SMAD2: variants seen among roughly 807,000 people sequenced by gnomAD.
SMAD2 encodes SMAD family member 2.
SMAD2 carries 8 observed loss-of-function variants against 64.4 expected under a neutral mutation model. The observed-to-expected ratio is 0.12, with a 90% CI of 0.07 to 0.22. SMAD2 has a LOEUF of 0.22. SMAD2 is among the 10% of genes least tolerant of loss of function. The probability of loss-of-function intolerance (pLI) is 1.00; values close to 1 mark genes in which losing one functional copy is unlikely to be tolerated. For missense variants in SMAD2, 289 were observed against 561.2 expected, an observed-to-expected ratio of 0.51 and a Z score of 4.90; for synonymous variants, 203 against 195.8, an observed-to-expected ratio of 1.04 and a Z score of -0.31.
chr18:47,868,507 G>T, intron 4 of SMAD2, 50 bp from the exon 5 acceptor site: 4 of 1,531,892 alleles, frequency 2.6e-6, no homozygotes, highest in Non-Finnish European at 3.6e-6. Context: ...AAAGGGGAGT[G>T]GGGGAACCTT....
intron 1 of SMAD2, among the ~76,000 whole-genome samples, chr18:47,924,906 A>G (rs556144263): frequency 1.3e-5 from 2 of 152,348 alleles, no homozygotes; most frequent in African/African-American, 2.4e-5. Flanking sequence ...TTTTAAACAT[A>G]GGCAAACTAT....
At chr18:47,921,971 A>T (rs530926004) in intron 1 of SMAD2, among the ~76,000 whole-genome samples, 1 of 152,246 alleles carries the variant, frequency 6.6e-6, no homozygotes, top group Non-Finnish European at 1.5e-5. Context: ...TGAAGAAAGT[A>T]TGATCACTGA....
At chr18:47,909,496 T>C (rs2034036167) in intron 1 of SMAD2, among the ~76,000 whole-genome samples, 1 of 152,146 alleles carries the variant, frequency 6.6e-6, no homozygotes, top group Admixed American at 6.6e-5. Flanking sequence ...TGCTGTATTC[T>C]AGGGGAAAAA....
rs763071454 is a variant in SMAD2 at position 47,826,252 on chromosome 18, T to C, written c.*15575A>G. The C allele has an allele frequency of 6.6e-6, 1 of 152,282 alleles. No individual in the cohort carries two copies. The highest frequency in any genetic ancestry group is 2.1e-4 in the South Asian group (1 of 4,832). 9.4% of individuals were successfully genotyped at this position (152,282 alleles called of 1,614,324 possible). A position where few individuals can be genotyped will look rare whatever the true frequency, so the allele number is the denominator to read the frequency against. ...TGAGCATTCTTCAGCTTCTCCACAT[T>C]TTCCATTGTTTGCTGGCAAACCAGT... On this transcript the variant is annotated 3_prime_UTR_variant, in exon 11 of 11. Transcript: ENST00000262160.
intron 8 of SMAD2, among the ~76,000 whole-genome samples, chr18:47,846,192 A>G (rs1914472699): frequency 6.6e-6 from 1 of 152,174 alleles, no homozygotes; most frequent in Non-Finnish European, 1.5e-5. Flanking sequence ...ACTTAATGTT[A>G]AGAAAAAAGA....
At chr18:47,875,307 T>A (rs1019421062) in intron 2 of SMAD2, among the ~76,000 whole-genome samples, 2 of 152,164 alleles carry the variant, frequency 1.3e-5, no homozygotes, top group African/African-American at 2.4e-5. Flanking sequence ...CTAACCACAA[T>A]GTATTTCCCA....
Position 47,835,291 on chromosome 18 carries a change from G to C in SMAD2, c.*6536C>G, listed in dbSNP as rs1048079077. The C allele has an allele frequency of 4.7e-6, 1 of 210,768 alleles. No homozygotes were observed. Among genetic ancestry groups the C allele is most frequent in the Middle Eastern group, 1.6e-3 (1 of 636 alleles). The allele number at this position is 210,768 out of a possible 1,614,324, so 13.1% of individuals were successfully genotyped here. On this transcript the variant is annotated 3_prime_UTR_variant, in exon 11 of 11. Coordinates refer to ENST00000262160, the MANE Select transcript of SMAD2 (RefSeq NM_005901.6). ...GTTTTTAAAAAAATTCAAAACTCAT[G>C]CATGTTACCTACTTGTCATGTGTGA...
intron 6 of SMAD2, among the ~76,000 whole-genome samples, chr18:47,857,180 C>A (rs2144338333): frequency 6.6e-6 from 1 of 152,238 alleles, no homozygotes; most frequent in Admixed American, 6.5e-5. Context: ...AATGCTGTAT[C>A]ATAATCTTAT....
In SMAD2 at chr18:47,856,538, G is replaced by C. The variant is rs1005105771; in HGVS notation, c.731-5211C>G. On this transcript the variant is annotated intron_variant, in intron 6 of 10. Coordinates refer to ENST00000262160, the MANE Select transcript of SMAD2 (RefSeq NM_005901.6). ...TTCCAGAAAACTGGGAATCATCCTG[G>C]GTTGCTTCTTCAACCTTAACCCAAA... Among the ~76,000 whole-genome samples the C allele has an allele frequency of 2.0e-5, 3 of 151,982 alleles. 1 individual carries two copies. The highest frequency in any genetic ancestry group is 7.3e-5 in the African/African-American group (3 of 41,372).
In SMAD2 at chr18:47,829,698, A is replaced by C. The variant is rs1366743972; in HGVS notation, c.*12129T>G. 2.6e-5 allele frequency: 4 copies of C among 152,242 alleles called. No homozygotes were observed. The highest frequency in any genetic ancestry group is 9.6e-5 in the African/African-American group (4 of 41,460). The allele number at this position is 152,242 out of a possible 1,614,324, so 9.4% of individuals were successfully genotyped here. A position where few individuals can be genotyped will look rare whatever the true frequency, so the allele number is the denominator to read the frequency against. ...ATGAAGTAGACACTTTGGCAAATAA[A>C]AACTGCACCGTATGACATGTCACAT... is the stretch of plus-strand genomic sequence containing the variant. On this transcript the variant is annotated 3_prime_UTR_variant, in exon 11 of 11. Coordinates refer to ENST00000262160, the MANE Select transcript of SMAD2 (RefSeq NM_005901.6).
At chr18:47,863,645 T>C (rs1230920246) in intron 6 of SMAD2, among the ~76,000 whole-genome samples, 1 of 152,204 alleles carries the variant, frequency 6.6e-6, no homozygotes, top group Non-Finnish European at 1.5e-5. Context: ...CTTTACATGG[T>C]TGAATAATTC....
At chr18:47,845,262 T>C (rs779663683) in intron 10 of SMAD2, 78 bp downstream of exon 10, 5 of 1,368,804 alleles carry the variant, frequency 3.7e-6, no homozygotes, top group Non-Finnish European at 3.1e-6. Context: ...TAGATACAAA[T>C]GAACTCCAGA....
chr18:47,909,139 C>G (rs1463037640), intron 1 of SMAD2, among the ~76,000 whole-genome samples: 1 of 151,680 alleles, frequency 6.6e-6, no homozygotes, highest in Non-Finnish European at 1.5e-5. Context: ...AGATCTTGCA[C>G]CTTTTGTGAA....
rs981428601 is a variant in SMAD2 at position 47,827,713 on chromosome 18, C to G, written c.*14114G>C. The G allele has an allele frequency of 6.2e-6, 1 of 162,226 alleles. No individual in the cohort carries two copies. Among genetic ancestry groups the G allele is most frequent in the Admixed American group, 6.5e-5 (1 of 15,390 alleles). 10.0% of individuals were successfully genotyped at this position (162,226 alleles called of 1,614,324 possible). The stretch of plus-strand genomic sequence containing the variant: ...GCCAGGCTGGTCTCCAGCTCCTGAC[C>G]GCGCATGATCTGCCCGCCTGGGCCT... On this transcript the variant is annotated 3_prime_UTR_variant, in exon 11 of 11. Transcript: ENST00000262160.
At chr18:47,924,353 TCACTC>T (rs1309525465) in intron 1 of SMAD2, among the ~76,000 whole-genome samples, 1 of 152,018 alleles carries the variant, frequency 6.6e-6, no homozygotes, top group African/African-American at 2.4e-5. Flanking sequence ...TTTCAATAGT[TCACTC>T]AAGTCAAGGC....
chr18:47,892,627 G>C (rs1014388540), intron 2 of SMAD2, among the ~76,000 whole-genome samples: 1 of 147,390 alleles, frequency 6.8e-6, no homozygotes, highest in Non-Finnish European at 1.5e-5. Context: ...TTTAATTGTG[G>C]TATAAAATAA....
chr18:47,879,109 C>A (rs770865088), intron 2 of SMAD2, among the ~76,000 whole-genome samples: 2 of 152,172 alleles, frequency 1.3e-5, no homozygotes, highest in Non-Finnish European at 2.9e-5. Flanking sequence ...AATGACAGAG[C>A]TAGACCCTGT....
At chr18:47,844,465 CTT>C (rs542398303) in intron 10 of SMAD2, among the ~76,000 whole-genome samples, 133 of 152,312 alleles carry the variant, frequency 8.7e-4, no homozygotes, top group Non-Finnish European at 1.4e-3. Context: ...TCTTCTCTCT[CTT>C]TGATGTGAAA....
At chr18:47,926,398 T>C (rs915714684) in intron 1 of SMAD2, among the ~76,000 whole-genome samples, 1 of 152,204 alleles carries the variant, frequency 6.6e-6, no homozygotes, top group Non-Finnish European at 1.5e-5. Flanking sequence ...GCCCCAGACA[T>C]GCTAGTCAGG....
Sources: allele counts gnomAD v4.1 joint callset (sites outside exome capture counted in the v4.1 genomes callset), GRCh38; gene constraint gnomAD v4.1.1; transcripts MANE v1.5; gene names NCBI Gene and HGNC (gene_info 2026-07-23, HGNC 2026-07-21).